Variants in ORC3 observed in about 807,000 individuals in gnomAD.
ORC3 encodes the protein origin recognition complex subunit 3.
A neutral mutation model predicts 100.7 loss-of-function variants in ORC3; 78 were observed. The observed-to-expected ratio is 0.77, with a 90% CI of 0.65 to 0.94. The LOEUF (loss-of-function observed/expected upper bound fraction) is 0.94, where lower values mean the gene tolerates loss of function less well. Ranked by LOEUF, ORC3 falls within the 40% of genes least tolerant of loss-of-function variation. The pLI is 0.00. For synonymous variants in ORC3, 295 were observed against 289.3 expected (o/e 1.02, Z -0.20); for missense variants, 789 against 823.9 (o/e 0.96, Z 0.52).
intron 9 of ORC3, among the ~76,000 whole-genome samples, chr6:87,618,785 T>C (rs1353153676): frequency 6.6e-6 from 1 of 152,084 alleles, no homozygotes; most frequent in East Asian, 1.9e-4. Flanking sequence ...TTTTTTTTTT[T>C]CTTACTTGAC....
chr6:87,649,322 A>G (rs1317916951), intron 13 of ORC3, among the ~76,000 whole-genome samples: 2 of 152,210 alleles, frequency 1.3e-5, no homozygotes, highest in Admixed American at 6.5e-5. Flanking sequence ...CCCAAGTACC[A>G]TCAATTTTAA....
At chr6:87,664,305 CT>C (rs1770432161) in intron 17 of ORC3, among the ~76,000 whole-genome samples, 1 of 151,988 alleles carries the variant, frequency 6.6e-6, no homozygotes, top group South Asian at 2.1e-4. Context: ...ACAACGTAGT[CT>C]TTTCTTTAAA....
intron 13 of ORC3, chr6:87,650,900 G>T: frequency 3.4e-6 from 1 of 295,806 alleles, no homozygotes; most frequent in Admixed American, 4.0e-5. Context: ...ACAGCTACTC[G>T]GGAGGTTGAG....
the ORC3 span, chr6:87,675,713 G>C: frequency 6.7e-7 from 1 of 1,494,594 alleles, no homozygotes; most frequent in Non-Finnish European, 9.2e-7. Flanking sequence ...GTAACCAAAA[G>C]ACTTGCAAAG....
chr6:87,665,623 G>C (rs2128296816), intron 18 of ORC3, 131 bp from the exon 19 acceptor site: 1 of 600,568 alleles, frequency 1.7e-6, no homozygotes, highest in Middle Eastern at 3.7e-4. Context: ...CATCAGTGTA[G>C]TTTTGACAAT....
chr6:87,604,506 G>A (rs1246533909), intron 4 of ORC3, among the ~76,000 whole-genome samples: 1 of 152,216 alleles, frequency 6.6e-6, no homozygotes, highest in Non-Finnish European at 1.5e-5. Flanking sequence ...CTGAGGCCCA[G>A]TGATGGCCCA....
the ORC3 span, chr6:87,675,654 C>A: frequency 8.1e-6 from 13 of 1,607,314 alleles, no homozygotes; most frequent in Non-Finnish European, 1.1e-5. Flanking sequence ...AGGTCAAAAT[C>A]CAAACGAATA....
At chr6:87,641,941 T>C (rs1218540503) in intron 13 of ORC3, among the ~76,000 whole-genome samples, 2 of 152,186 alleles carry the variant, frequency 1.3e-5, no homozygotes, top group Non-Finnish European at 2.9e-5. Context: ...AGCTTCCTAA[T>C]AATCTAACTT....
chr6:87,622,109 G>A, intron 11 of ORC3, 96 bp downstream of exon 11: 1 of 807,758 alleles, frequency 1.2e-6, no homozygotes, highest in Admixed American at 2.2e-5. Flanking sequence ...ACATATTTGT[G>A]CATCTTAATA....
intron 8 of ORC3, among the ~76,000 whole-genome samples, chr6:87,614,633 T>G (rs921269638): frequency 2.0e-5 from 3 of 152,156 alleles, no homozygotes; most frequent in African/African-American, 7.2e-5. Flanking sequence ...GCTTAGAAAT[T>G]TGTTCCTCAG....
intron 17 of ORC3, among the ~76,000 whole-genome samples, chr6:87,664,289 G>C (rs543607592): frequency 2.6e-5 from 4 of 152,252 alleles, no homozygotes; most frequent in African/African-American, 9.6e-5. Flanking sequence ...AAGGTCTGCA[G>C]TGTTGACAAC....
intron 13 of ORC3, among the ~76,000 whole-genome samples, chr6:87,640,700 G>C (rs1223853251): frequency 6.6e-6 from 1 of 152,156 alleles, no homozygotes; most frequent in Non-Finnish European, 1.5e-5. Flanking sequence ...CCCTCTATTG[G>C]AGAAAATTTC....
the ORC3 span, among the ~76,000 whole-genome samples, chr6:87,674,302 CAAAAAAAAA>C: frequency 2.3e-5 from 2 of 87,160 alleles, no homozygotes; most frequent in African/African-American, 8.7e-5. Flanking sequence ...AACTCTATCT[CAAAAAAAAA>C]AAAAAAAAAA....
At chr6:87,593,866 T>G (rs1244322282) in intron 1 of ORC3, among the ~76,000 whole-genome samples, 1 of 152,140 alleles carries the variant, frequency 6.6e-6, no homozygotes, top group Non-Finnish European at 1.5e-5. Flanking sequence ...CTGGCTAATT[T>G]TTGCATTTTT....
intron 19 of ORC3, among the ~76,000 whole-genome samples, chr6:87,666,565 A>G (rs1310825301): frequency 1.3e-5 from 2 of 149,472 alleles, no homozygotes; most frequent in African/African-American, 5.0e-5. Context: ...CAGCTTCCCA[A>G]ATAGCTGGGA....
At chr6:87,616,883 C>T (rs542553203) in intron 9 of ORC3, among the ~76,000 whole-genome samples, 2 of 152,132 alleles carry the variant, frequency 1.3e-5, no homozygotes, top group Admixed American at 1.3e-4. Context: ...TCACTGCAAC[C>T]TTCGCCTCCC....
chr6:87,616,725 T>C (rs149700027), intron 9 of ORC3, among the ~76,000 whole-genome samples: 3,491 of 152,238 alleles, frequency 0.023, 53 homozygotes, highest in Non-Finnish European at 0.038. Flanking sequence ...TGAGAGCTTA[T>C]GGACTTTTTC....
chr6:87,656,415 C>G (rs1244961420), intron 14 of ORC3, among the ~76,000 whole-genome samples: 1 of 152,046 alleles, frequency 6.6e-6, no homozygotes, highest in African/African-American at 2.4e-5. Context: ...TGGCGAAACC[C>G]CTTCTCTACT....
intron 11 of ORC3, among the ~76,000 whole-genome samples, chr6:87,629,962 A>G (rs1472869434): frequency 1.3e-5 from 2 of 152,334 alleles, no homozygotes; most frequent in Non-Finnish European, 2.9e-5. Flanking sequence ...TATATTGCAC[A>G]TTAAGAGGCA....
Sources: gnomAD v4.1 joint callset for allele counts (sites outside exome capture counted in the v4.1 genomes callset) on GRCh38, gnomAD v4.1.1 for gene constraint, MANE v1.5 for transcripts, NCBI Gene and HGNC (gene_info 2026-07-23, HGNC 2026-07-21) for gene names.